Variants in MACROD2 observed in about 807,000 individuals in gnomAD.
MACROD2 encodes ADP-ribose glycohydrolase MACROD2.
Under a neutral mutation model 70.4 loss-of-function variants are expected in MACROD2, and 36 were observed. That is an observed-to-expected ratio of 0.51 (90% CI 0.39 to 0.68). The LOEUF (loss-of-function observed/expected upper bound fraction) is 0.68, where lower values mean the gene tolerates loss of function less well. MACROD2 is among the 30% of genes least tolerant of loss of function. The pLI, the probability that MACROD2 is intolerant of heterozygous loss-of-function variation, is 0.00. For synonymous variants in MACROD2, 172 were observed against 178.8 expected (o/e 0.96, Z 0.30); for missense variants, 496 against 538.4 (o/e 0.92, Z 0.78).
At chr20:15,057,059 A>G (rs1445083301) in intron 5 of MACROD2, among the ~76,000 whole-genome samples, 1 of 152,226 alleles carries the variant, frequency 6.6e-6, no homozygotes, top group Non-Finnish European at 1.5e-5. Context: ...GATGGGATAT[A>G]TGAGTCAGAG....
chr20:15,989,004 ACTTAAC>A (rs1568690096), intron 15 of MACROD2, among the ~76,000 whole-genome samples: 2 of 152,198 alleles, frequency 1.3e-5, no homozygotes, highest in African/African-American at 4.8e-5. Flanking sequence ...TGGACAAGTT[ACTTAAC>A]CTATCTGCTT....
rs117840713 is a variant in MACROD2 at position 15,793,451 on chromosome 20, A to G, written c.646-69294A>G. Among the ~76,000 whole-genome samples, 258 of 152,282 alleles carry G rather than the reference A, an allele frequency of 1.7e-3. 1 individual carries two copies. The East Asian group carries it at 0.036, about 21-fold the overall frequency. ...TGTTCATTTAATTTTTAGAAATAGT[A>G]TATGTATTTCTTTTGTTTTTCCTTT... is the stretch of plus-strand genomic sequence containing the variant. On this transcript the variant is annotated intron_variant, in intron 8 of 17. Coordinates refer to ENST00000684519, the MANE Select transcript of MACROD2 (RefSeq NM_001351661.2).
chr20:14,951,897 C>A (rs76697133), intron 5 of MACROD2, among the ~76,000 whole-genome samples: 7 of 150,510 alleles, frequency 4.7e-5, no homozygotes, highest in East Asian at 2.0e-4. Context: ...CCTCCCTCCC[C>A]TTCAGGGCAG....
chr20:15,575,068 T>C (rs1023265917), intron 8 of MACROD2, among the ~76,000 whole-genome samples: 1 of 152,228 alleles, frequency 6.6e-6, no homozygotes, highest in Non-Finnish European at 1.5e-5. Flanking sequence ...TTTACTCATC[T>C]AGAAAAGAAA....
intron 3 of MACROD2, among the ~76,000 whole-genome samples, chr20:14,244,031 A>G (rs893867026): frequency 3.3e-5 from 5 of 151,994 alleles, no homozygotes; most frequent in African/African-American, 9.7e-5. Context: ...TGGAACATCT[A>G]AAGATAATCA....
intron 3 of MACROD2, among the ~76,000 whole-genome samples, chr20:14,168,321 G>A (rs1319948657): frequency 6.6e-6 from 1 of 152,148 alleles, no homozygotes; most frequent in Non-Finnish European, 1.5e-5. Context: ...CTAAGTTGTT[G>A]CAGCATTGGA....
At chr20:14,142,246 T>A (rs1376611362) in intron 3 of MACROD2, among the ~76,000 whole-genome samples, 1 of 152,228 alleles carries the variant, frequency 6.6e-6, no homozygotes, top group Non-Finnish European at 1.5e-5. Context: ...GGTGCTTCAG[T>A]GGCTATCAGG....
At chr20:14,184,870 T>G (rs1234123897) in intron 3 of MACROD2, among the ~76,000 whole-genome samples, 1 of 152,200 alleles carries the variant, frequency 6.6e-6, no homozygotes, top group Non-Finnish European at 1.5e-5. Context: ...TGTTGCACAC[T>G]GATTTTGTGT....
intron 4 of MACROD2, among the ~76,000 whole-genome samples, chr20:14,595,504 C>G (rs951215055): frequency 2.6e-5 from 4 of 152,134 alleles, no homozygotes; most frequent in African/African-American, 7.2e-5. Context: ...CGGGAACCCC[C>G]TTACACTTGG....
chr20:14,946,559 A>T, intron 5 of MACROD2, among the ~76,000 whole-genome samples: 1 of 152,096 alleles, frequency 6.6e-6, no homozygotes. Flanking sequence ...CATAAATATG[A>T]TAGCATATAA....
At chr20:14,138,763 CCACACACA>C (rs11469437) in intron 3 of MACROD2, among the ~76,000 whole-genome samples, 25,884 of 146,954 alleles carry the variant, frequency 0.18, 2,475 homozygotes, top group African/African-American at 0.27. Flanking sequence ...CTTAAGTTTT[CCACACACA>C]CACACACACA....
At chr20:14,771,691 A>G (rs997635889) in intron 5 of MACROD2, among the ~76,000 whole-genome samples, 5 of 149,558 alleles carry the variant, frequency 3.3e-5, no homozygotes, top group African/African-American at 9.9e-5. Flanking sequence ...ATATTTAAAC[A>G]TATATGTTTA....
chr20:14,697,787 T>G (rs186161672), intron 5 of MACROD2, among the ~76,000 whole-genome samples: 1 of 152,290 alleles, frequency 6.6e-6, no homozygotes, highest in East Asian at 1.9e-4. Flanking sequence ...TTGGGAACAG[T>G]GGAGCTTTCG....
At chr20:15,862,286 G>A (rs935070414) in intron 8 of MACROD2, among the ~76,000 whole-genome samples, 1 of 152,190 alleles carries the variant, frequency 6.6e-6, no homozygotes, top group Non-Finnish European at 1.5e-5. Context: ...TTTAGGCCTT[G>A]TTCAAATACT....
intron 8 of MACROD2, among the ~76,000 whole-genome samples, chr20:15,762,028 G>A (rs1354181426): frequency 6.6e-6 from 1 of 152,140 alleles, no homozygotes; most frequent in Non-Finnish European, 1.5e-5. Context: ...TTTGGGCAGA[G>A]GTGATATGAT....
At chr20:15,529,896 G>A (rs924832549) in intron 8 of MACROD2, among the ~76,000 whole-genome samples, 109 of 152,292 alleles carry the variant, frequency 7.2e-4, no homozygotes, top group African/African-American at 2.5e-3. Flanking sequence ...TAAGGGCCAC[G>A]GTGTGTATTC....
At chr20:14,082,548 T>C (rs1394870545) in intron 2 of MACROD2, among the ~76,000 whole-genome samples, 2 of 152,138 alleles carry the variant, frequency 1.3e-5, no homozygotes, top group Non-Finnish European at 2.9e-5. Flanking sequence ...ACATGACTTA[T>C]TGTCTCATAT....
intron 8 of MACROD2, among the ~76,000 whole-genome samples, chr20:15,802,868 A>G (rs968652565): frequency 1.3e-5 from 2 of 152,166 alleles, no homozygotes; most frequent in Non-Finnish European, 2.9e-5. Flanking sequence ...ACAAAGAATC[A>G]TTAGAAATTA....
chr20:14,174,927 C>T (rs2081251389), intron 3 of MACROD2, among the ~76,000 whole-genome samples: 2 of 152,138 alleles, frequency 1.3e-5, no homozygotes, highest in African/African-American at 2.4e-5. Flanking sequence ...AAGGTCAAAT[C>T]CTTTTCCTGT....
Sources: allele counts gnomAD v4.1 joint callset (sites outside exome capture counted in the v4.1 genomes callset), GRCh38; gene constraint gnomAD v4.1.1; transcripts MANE v1.5; gene names NCBI Gene and HGNC (gene_info 2026-07-23, HGNC 2026-07-21).